Variants in MON2 observed in about 807,000 individuals in gnomAD.
MON2 encodes protein MON2 homolog.
Under a neutral mutation model 208.6 loss-of-function variants are expected in MON2, and 84 were observed. That is an observed-to-expected ratio of 0.40 (90% CI 0.34 to 0.48). The LOEUF (loss-of-function observed/expected upper bound fraction) is 0.48, where lower values mean the gene tolerates loss of function less well. Among genes scored for constraint, MON2 ranks in the 20% least tolerant of loss-of-function variants. The probability of loss-of-function intolerance (pLI) is 0.59; values close to 1 mark genes in which losing one functional copy is unlikely to be tolerated. For missense variants in MON2, 1,611 were observed against 2,015.4 expected (o/e 0.80, Z 3.84); for synonymous variants, 660 against 694.0 (o/e 0.95, Z 0.77).
At chr12:62,508,559 AT>A in intron 8 of MON2, 79 bp downstream of exon 8, 1 of 1,343,314 alleles carries the variant, frequency 7.4e-7, no homozygotes, top group Non-Finnish European at 1.1e-6. Context: ...GTTGTAGCGC[AT>A]TTAGTTTTTT....
chr12:62,538,010 G>A, intron 16 of MON2, 86 bp from the exon 17 acceptor site: 2 of 1,217,680 alleles, frequency 1.6e-6, no homozygotes, highest in Non-Finnish European at 1.2e-6. Flanking sequence ...TTGGTTGCTA[G>A]AAGTTACTAC....
In MON2 at chr12:62,503,294, A is replaced by C. The variant is rs79459595; in HGVS notation, c.789+1596A>C. ...ATTTGAACTCATGTTGATCCAAATT[A>C]GTTTCTCTCTGTATCCTCTCTTTTT... On this transcript the variant is annotated intron_variant, in intron 7 of 34. Transcript: ENST00000393630. Among the ~76,000 whole-genome samples, 214 of 152,318 alleles carry C rather than the reference A, an allele frequency of 1.4e-3. 1 individual carries two copies. The highest frequency in any genetic ancestry group is 2.2e-3 in the Admixed American group (34 of 15,300).
At chr12:62,587,980 A>ATTCATCTATTTGTCTAATTC in intron 33 of MON2, 94 bp from the exon 34 acceptor site, 1 of 743,486 alleles carries the variant, frequency 1.3e-6, no homozygotes, top group Non-Finnish European at 2.3e-6. Context: ...GTATTTTTCA[A>ATTCATCTATTTGTCTAATTC]AAGTTCATCT....
At position 62,561,026 on chromosome 12, in the gene MON2, A is replaced by C; in HGVS notation, c.3945A>C (p.Ala1315=). 1 of 1,613,452 alleles carries C rather than the reference A, an allele frequency of 6.2e-7. No homozygotes were observed. The highest frequency in any genetic ancestry group is 8.5e-7 in the Non-Finnish European group (1 of 1,179,422). ...SAISVPISSD[A]SPFILPSYTE... ...TTTCAGTCCCAATAAGTTCAGATGC[A>C]TCCCCTTTTATTCTTCCATCTTATA... The change falls in exon 26 of 35, where the codon GCA becomes GCC. Residue 1315 remains alanine, a synonymous_variant. Coordinates refer to ENST00000393630, the MANE Select transcript of MON2 (RefSeq NM_015026.3).
chr12:62,549,031 G>A (rs940955736), intron 22 of MON2, among the ~76,000 whole-genome samples: 3 of 152,098 alleles, frequency 2.0e-5, no homozygotes, highest in Admixed American at 2.0e-4. Context: ...AAAAATAACT[G>A]TAGCAAACTT....
Position 62,509,736 on chromosome 12 carries a change from G to T in MON2, c.984+1256G>T, listed in dbSNP as rs192666256. ...TGGAATCCAGCCAGAAATCAATAGT[G>T]GAAGGAAAATGAGAAGAGTCTCAAA... On this transcript the variant is annotated intron_variant, in intron 8 of 34. Transcript: ENST00000393630. Among the ~76,000 whole-genome samples, 375 of 152,082 alleles carry T rather than the reference G, an allele frequency of 2.5e-3. 2 individuals are homozygous for T. Among genetic ancestry groups the T allele is most frequent in the African/African-American group, 8.5e-3 (353 of 41,464 alleles).
intron 1 of MON2, among the ~76,000 whole-genome samples, chr12:62,476,839 G>A (rs1351075902): frequency 6.6e-6 from 1 of 152,174 alleles, no homozygotes; most frequent in Non-Finnish European, 1.5e-5. Flanking sequence ...TCTCATAGAA[G>A]TCGTGAAAAA....
intron 1 of MON2, among the ~76,000 whole-genome samples, chr12:62,474,800 G>A (rs1023909316): frequency 2.6e-5 from 4 of 152,114 alleles, no homozygotes; most frequent in African/African-American, 9.7e-5. Context: ...TTTTGTTAAT[G>A]GTATCTAGCA....
chr12:62,507,733 T>A (rs1022341231), intron 7 of MON2, among the ~76,000 whole-genome samples: 5 of 152,208 alleles, frequency 3.3e-5, no homozygotes, highest in African/African-American at 1.2e-4. Flanking sequence ...TTTAAACTTA[T>A]ATTCTTTCAA....
chr12:62,489,972 A>G, intron 2 of MON2: 1 of 1,025,214 alleles, frequency 9.8e-7, no homozygotes, highest in Non-Finnish European at 1.3e-6. Context: ...TCACAATAAA[A>G]CTTTTATTAC....
At chr12:62,541,207 C>G (rs1012043768) in intron 19 of MON2, among the ~76,000 whole-genome samples, 1 of 152,070 alleles carries the variant, frequency 6.6e-6, no homozygotes, top group Admixed American at 6.6e-5. Context: ...CATAGGGAAC[C>G]TCTTCTCTAC....
At chr12:62,553,398 ATC>A (rs2073832321) in intron 24 of MON2, 1 of 402,996 alleles carries the variant, frequency 2.5e-6, no homozygotes, top group South Asian at 5.8e-5. Flanking sequence ...TTATTATTAT[ATC>A]TCTCGTGATT....
At chr12:62,530,400 T>C (rs999997623) in intron 11 of MON2, among the ~76,000 whole-genome samples, 5 of 151,832 alleles carry the variant, frequency 3.3e-5, no homozygotes, top group African/African-American at 1.2e-4. Flanking sequence ...CCGGCTAATT[T>C]TTTGTATTTT....
At chr12:62,577,330 G>T (rs1242813624) in intron 30 of MON2, among the ~76,000 whole-genome samples, 1 of 152,034 alleles carries the variant, frequency 6.6e-6, no homozygotes, top group Non-Finnish European at 1.5e-5. Context: ...GACTGAGTCT[G>T]TCCTGTTCAC....
rs200557044 is a variant in MON2, at chr12:62,545,056, C to T, written c.2577+48C>T. On this transcript the variant is annotated intron_variant, in intron 21 of 34. Transcript: ENST00000393630. Reference sequence around the variant, plus strand: ...AAAAGAATACTCAATATAAAATTATCCTCCTCCATATGTGATTTTTTTCTT... The same window carrying T: ...AAAAGAATACTCAATATAAAATTATTCTCCTCCATATGTGATTTTTTTCTT... 2,175 of 1,219,744 alleles carry T rather than the reference C, an allele frequency of 1.8e-3. 5 individuals are homozygous for T. The highest frequency in any genetic ancestry group is 2.1e-3 in the Non-Finnish European group (1,832 of 871,018). The allele number at this position is 1,219,744 out of a possible 1,614,324, so 75.6% of individuals were successfully genotyped here. A position where few individuals can be genotyped will look rare whatever the true frequency, so the allele number is the denominator to read the frequency against.
chr12:62,578,592 T>C, intron 31 of MON2, 87 bp downstream of exon 31: 1 of 810,066 alleles, frequency 1.2e-6, no homozygotes, highest in South Asian at 1.8e-5. Flanking sequence ...GCTGAAAGAA[T>C]AAAGTAATAG....
intron 30 of MON2, among the ~76,000 whole-genome samples, chr12:62,574,225 A>G (rs73325220): frequency 6.6e-6 from 1 of 152,264 alleles, no homozygotes; most frequent in African/African-American, 2.4e-5. Flanking sequence ...TTCCACTATT[A>G]TTGTCATTAA....
intron 19 of MON2, among the ~76,000 whole-genome samples, chr12:62,539,298 C>T (rs527999712): frequency 2.7e-5 from 4 of 149,890 alleles, no homozygotes; most frequent in African/African-American, 2.5e-5. Flanking sequence ...AACGGAGTCT[C>T]GCCTTGTCGC....
chr12:62,539,269 A>T (rs2073123765), intron 19 of MON2, among the ~76,000 whole-genome samples: 1 of 151,834 alleles, frequency 6.6e-6, no homozygotes, highest in Admixed American at 6.6e-5. Flanking sequence ...TTGTCTGCCT[A>T]GTCTTTTTTT....
Sources: allele counts gnomAD v4.1 joint callset (sites outside exome capture counted in the v4.1 genomes callset), GRCh38; gene constraint gnomAD v4.1.1; transcripts MANE v1.5; gene names NCBI Gene and HGNC (gene_info 2026-07-23, HGNC 2026-07-21).